PML: variants seen among roughly 807,000 people sequenced by gnomAD.
PML encodes the protein protein PML.
In PML, 28 loss-of-function variants were observed where a neutral mutation model predicts 65.2. That is an observed-to-expected ratio of 0.43 (90% CI 0.32 to 0.59). The LOEUF is 0.59. Ranked by LOEUF, PML falls within the 20% of genes least tolerant of loss-of-function variation. The pLI is 0.08. For synonymous variants in PML, 500 were observed against 508.8 expected (o/e 0.98, Z 0.23); for missense variants, 1,021 against 1,203.4 (o/e 0.85, Z 2.24).
At chr15:74,023,465 G>A in intron 3 of PML, 57 bp downstream of exon 3, 1 of 1,365,790 alleles carries the variant, frequency 7.3e-7, no homozygotes. Flanking sequence ...CCCTAGGGAA[G>A]GCGAGTCAGA....
At chr15:74,032,820 T>G in intron 5 of PML, 105 bp downstream of exon 5, 2 of 1,230,748 alleles carry the variant, frequency 1.6e-6, no homozygotes, top group East Asian at 2.4e-5. Context: ...AGATCAGCTC[T>G]TTGTGGGAAA....
At chr15:74,033,133 G>A in intron 5 of PML, 23 bp from the exon 6 acceptor site, 1 of 1,613,688 alleles carries the variant, frequency 6.2e-7, no homozygotes, top group African/African-American at 1.3e-5. Flanking sequence ...ACCTGACCTG[G>A]CTCTGTGACT....
chr15:74,007,591 C>T (rs1274582516), intron 2 of PML, among the ~76,000 whole-genome samples: 1 of 152,246 alleles, frequency 6.6e-6, no homozygotes, highest in Non-Finnish European at 1.5e-5. Flanking sequence ...CCACCTCGCT[C>T]TTTGACCCTG....
Position 74,003,850 on chromosome 15 carries a change from TA to T in PML, c.602+5381del, listed in dbSNP as rs1415397866. Among the ~76,000 whole-genome samples, 3 of 152,194 alleles carry T rather than the reference TA, an allele frequency of 2.0e-5. No homozygotes were observed. The East Asian group carries it at 5.8e-4, about 29-fold the overall frequency. ...TGGCAGGAATACTCCATCAAGTAAT[TA>T]AAAAAATTATTCCAGAGTTTACTTT... On this transcript the variant is annotated intron_variant, in intron 2 of 8. Coordinates refer to ENST00000268058, the MANE Select transcript of PML (RefSeq NM_033238.3).
chr15:74,019,348 A>G (rs12592370), intron 2 of PML, among the ~76,000 whole-genome samples: 75,700 of 152,100 alleles, frequency 0.5, 19,368 homozygotes, highest in Non-Finnish European at 0.56. Context: ...CAAGTGTCCA[A>G]GATCCAAAGG....
In PML at chr15:74,035,624, A is replaced by T; in HGVS notation, c.1710+1094A>T. 1 of 1,613,492 alleles carries T rather than the reference A, an allele frequency of 6.2e-7. No individual in the cohort carries two copies. Among genetic ancestry groups the T allele is most frequent in the Non-Finnish European group, 8.5e-7 (1 of 1,179,982 alleles). On this transcript the variant is annotated intron_variant, in intron 7 of 8. Coordinates refer to ENST00000268058, the MANE Select transcript of PML (RefSeq NM_033238.3). The surrounding 1 kb of genome is among the most constrained non-coding windows in gnomAD (Gnocchi z 4.1). ...CCCAGCTGCAAAGGGGCATCAGCCC[A>T]CCCCACCGGATACGAGGGGCTGTGC... is the stretch of plus-strand genomic sequence containing the variant.
chr15:74,040,207 A>C (rs1384874750), intron 7 of PML, among the ~76,000 whole-genome samples: 2 of 152,242 alleles, frequency 1.3e-5, no homozygotes, highest in Non-Finnish European at 2.9e-5. Flanking sequence ...TTGAAAGAAC[A>C]TTAAAGGGAA....
rs147652568 is a variant in PML, at chr15:74,035,236, C to T, written c.1710+706C>T. On this transcript the variant is annotated intron_variant, in intron 7 of 8. Coordinates refer to ENST00000268058, the MANE Select transcript of PML (RefSeq NM_033238.3). The surrounding 1 kb of genome is among the most constrained non-coding windows in gnomAD (Gnocchi z 4.1). ...CCAGCCCACTCCTCGCCAGCCCACT[C>T]CTCGCCAGCCCACTCCTCGCCAGTC... 30 of 1,604,320 alleles carry T rather than the reference C, an allele frequency of 1.9e-5. No homozygotes were observed. Among genetic ancestry groups the T allele is most frequent in the Non-Finnish European group, 2.0e-5 (24 of 1,171,634 alleles).
chr15:73,998,089 G>C lies in PML; in HGVS notation c.215G>C (p.Cys72Ser). 6.2e-7 allele frequency: 1 copy of C among 1,613,774 alleles called. No individual in the cohort carries two copies. Among genetic ancestry groups the C allele is most frequent in the Non-Finnish European group, 8.5e-7 (1 of 1,180,022 alleles). ...GCCAAGTGCCCGAAGCTGCTGCCTT[G>C]TCTGCACACGCTGTGCTCAGGATGC... ...AEAKCPKLLP[C>S]LHTLCSGCLE... is the part of the protein sequence containing the mutation. The change falls in exon 2 of 9, where the codon TGT (cysteine) becomes TCT (serine). Residue 72 changes from cysteine (C) to serine (S), a missense_variant. Coordinates refer to ENST00000268058, the MANE Select transcript of PML (RefSeq NM_033238.3).
intron 4 of PML, chr15:74,031,152 C>A (rs1451110229): frequency 3.0e-6 from 1 of 327,916 alleles, no homozygotes; most frequent in African/African-American, 2.2e-5. Context: ...TCCCCCTCCC[C>A]CATCTCCTGG....
chr15:74,005,852 T>C (rs1294265526), intron 2 of PML, among the ~76,000 whole-genome samples: 1 of 152,170 alleles, frequency 6.6e-6, no homozygotes, highest in Non-Finnish European at 1.5e-5. Context: ...TCAGTGTTTG[T>C]AGCTAGCGTG....
intron 2 of PML, among the ~76,000 whole-genome samples, chr15:74,014,371 T>A (rs1166505037): frequency 6.6e-6 from 1 of 151,202 alleles, no homozygotes; most frequent in Non-Finnish European, 1.5e-5. Context: ...TCGCTCTGCC[T>A]CCCAGGCAGT....
intron 2 of PML, among the ~76,000 whole-genome samples, chr15:74,011,315 G>A (rs930482912): frequency 2.0e-5 from 3 of 152,186 alleles, no homozygotes; most frequent in Non-Finnish European, 2.9e-5. Context: ...TCAGATTAGC[G>A]TAAGCCTGAG....
At chr15:74,004,719 ATT>A (rs762375779) in intron 2 of PML, among the ~76,000 whole-genome samples, 14 of 143,136 alleles carry the variant, frequency 9.8e-5, no homozygotes, top group Admixed American at 2.1e-4. Context: ...CTGCTTTTTA[ATT>A]TTTTTTTTTT....
chr15:74,002,389 T>TTG (rs34664992), intron 2 of PML, among the ~76,000 whole-genome samples: 72,635 of 145,890 alleles, frequency 0.5, 18,757 homozygotes, highest in Non-Finnish European at 0.58. Context: ...GTTCTAGTGC[T>TTG]TGTGTGTGTG....
intron 4 of PML, chr15:74,032,260 G>A (rs556466982): frequency 2.4e-4 from 97 of 412,312 alleles, no homozygotes; most frequent in African/African-American, 1.6e-3. Flanking sequence ...TGCCAGTCGC[G>A]GTGGCTCGTG....
intron 7 of PML, among the ~76,000 whole-genome samples, chr15:74,041,942 C>A (rs1258432621): frequency 6.6e-6 from 1 of 152,244 alleles, no homozygotes; most frequent in Non-Finnish European, 1.5e-5. Flanking sequence ...GCCCTGTGAT[C>A]CTGTCCATGT....
chr15:74,030,329 G>T (rs919284919), intron 4 of PML, among the ~76,000 whole-genome samples: 1 of 152,144 alleles, frequency 6.6e-6, no homozygotes, highest in African/African-American at 2.4e-5. Context: ...AGAGCACGCC[G>T]GGGCAGGAAG....
chr15:74,005,752 G>A (rs2070015279), intron 2 of PML, among the ~76,000 whole-genome samples: 1 of 152,182 alleles, frequency 6.6e-6, no homozygotes, highest in Admixed American at 6.5e-5. Flanking sequence ...CCTTTTCAAT[G>A]GGTACTTGCT....
Sources: gnomAD v4.1 joint callset for allele counts (sites outside exome capture counted in the v4.1 genomes callset) on GRCh38, gnomAD v4.1.1 for gene constraint, Gnocchi (gnomAD v3.1) non-coding constraint, MANE v1.5 for transcripts, NCBI Gene and HGNC (gene_info 2026-07-23, HGNC 2026-07-21) for gene names.